LYST: variants seen among roughly 807,000 people sequenced by gnomAD.
LYST encodes the protein lysosomal-trafficking regulator.
A neutral mutation model predicts 413.6 loss-of-function variants in LYST; 192 were observed. The ratio of observed to expected loss-of-function variants is 0.46; its 90% confidence interval spans 0.41 to 0.52. The LOEUF (loss-of-function observed/expected upper bound fraction) is 0.52, where lower values mean the gene tolerates loss of function less well. Ranked by LOEUF, LYST falls within the 20% of genes least tolerant of loss-of-function variation. The probability of loss-of-function intolerance (pLI) is 0.00; values close to 1 mark genes in which losing one functional copy is unlikely to be tolerated. For synonymous variants in LYST, 1,525 were observed against 1,567.3 expected (o/e 0.97, Z 0.64); for missense variants, 3,815 against 4,499.9 (o/e 0.85, Z 4.35).
chr1:235,831,421 C>T (rs1675967178), intron 2 of LYST, among the ~76,000 whole-genome samples: 1 of 152,134 alleles, frequency 6.6e-6, no homozygotes, highest in African/African-American at 2.4e-5. Flanking sequence ...GGAATTTAAA[C>T]TAAAGGGATA....
chr1:235,701,972 A>G (rs1661587475), intron 45 of LYST, among the ~76,000 whole-genome samples: 1 of 152,168 alleles, frequency 6.6e-6, no homozygotes, highest in Non-Finnish European at 1.5e-5. Flanking sequence ...TAGGTGTGTA[A>G]AAACCTTTTC....
At chr1:235,694,135 C>A (rs894772721) in intron 46 of LYST, among the ~76,000 whole-genome samples, 4 of 151,834 alleles carry the variant, frequency 2.6e-5, no homozygotes, top group African/African-American at 9.7e-5. Flanking sequence ...TCAGCCTCCC[C>A]AGCAGCTGGG....
upstream of LYST, among the ~76,000 whole-genome samples, chr1:235,869,740 C>T (rs753439294): frequency 1.6e-4 from 24 of 152,138 alleles, no homozygotes; most frequent in Non-Finnish European, 3.4e-4. Flanking sequence ...TCTGCATTGG[C>T]TCTCCGCTTC....
chr1:235,809,120 C>T lies in LYST; in HGVS notation c.1698G>A (p.Leu566=). 6.2e-7 allele frequency: 1 copy of T among 1,614,068 alleles called. No individual in the cohort carries two copies. The highest frequency in any genetic ancestry group is 8.5e-7 in the Non-Finnish European group (1 of 1,179,966). The change falls in exon 5 of 53, where the codon TTG becomes TTA. Residue 566 remains leucine, a synonymous_variant. Transcript: ENST00000389793. The surrounding 1 kb of genome is among the most constrained non-coding windows in gnomAD (Gnocchi z 4.0). ...ATAGGATCTGGACACAAGTGCTGCT[C>T]AAGGAAGCCTGCTGTAGTAAGCGCA... ...QCLRLLQQAS[L]SSTCVQILSG... is the part of the protein sequence containing the mutation.
At chr1:235,793,755 T>C in intron 10 of LYST, 143 bp from the exon 11 acceptor site, 1 of 495,676 alleles carries the variant, frequency 2.0e-6, no homozygotes, top group South Asian at 3.7e-5. Flanking sequence ...CAAAATTTGC[T>C]GAAGAAATAG....
intron 48 of LYST, among the ~76,000 whole-genome samples, chr1:235,679,293 A>G (rs1659626241): frequency 1.3e-5 from 2 of 152,104 alleles, no homozygotes; most frequent in Admixed American, 1.3e-4. Context: ...AGCCACTGGG[A>G]TATACCCATA....
chr1:235,747,574 A>G (rs759155601), intron 28 of LYST, among the ~76,000 whole-genome samples: 1 of 152,146 alleles, frequency 6.6e-6, no homozygotes, highest in Non-Finnish European at 1.5e-5. Flanking sequence ...TCCTGTATAT[A>G]TTCAAGAGTT....
At chr1:235,867,989 T>C (rs1411048229), upstream of LYST, among the ~76,000 whole-genome samples, 1 of 152,168 alleles carries the variant, frequency 6.6e-6, no homozygotes. Flanking sequence ...CAAACTCCCA[T>C]CTAACCCAAT....
At chr1:235,776,898 T>C (rs1360289410) in intron 17 of LYST, among the ~76,000 whole-genome samples, 165 bp downstream of exon 17, 2 of 152,288 alleles carry the variant, frequency 1.3e-5, no homozygotes, top group South Asian at 2.1e-4. Context: ...ACCTTAATCA[T>C]CTATGGCAGA....
Position 235,809,093 on chromosome 1 carries a change from C to T in LYST, c.1725G>A (p.Ser575=), listed in dbSNP as rs144919024. Residue 575 remains serine, a synonymous_variant, in exon 5 of 53, where the codon TCG becomes TCA. Coordinates refer to ENST00000389793, the MANE Select transcript of LYST (RefSeq NM_000081.4). The surrounding 1 kb of genome is among the most constrained non-coding windows in gnomAD (Gnocchi z 4.0). The part of the protein sequence containing the change: ...SLSSTCVQIL[S]GVHNIGICCC... The stretch of plus-strand genomic sequence containing the variant: ...AGCATATTCCAATGTTATGAACACC[C>T]GATAGGATCTGGACACAAGTGCTGC... 2.0e-5 allele frequency: 32 copies of T among 1,614,098 alleles called. No homozygotes were observed. Among genetic ancestry groups the T allele is most frequent in the African/African-American group, 5.3e-5 (4 of 75,034 alleles).
chr1:235,878,083 G>A (rs751192896), intron 1 of LYST, among the ~76,000 whole-genome samples: 2 of 152,180 alleles, frequency 1.3e-5, no homozygotes, highest in African/African-American at 2.4e-5. Flanking sequence ...ACATGTCTGG[G>A]CCCACTTAAT....
At chr1:235,871,907 G>A (rs931000790) in intron 1 of LYST, among the ~76,000 whole-genome samples, 1 of 152,306 alleles carries the variant, frequency 6.6e-6, no homozygotes, top group South Asian at 2.1e-4. Context: ...GGGAGGAAAT[G>A]TTTCCTCAAC....
At chr1:235,832,397 A>G (rs1320531773) in intron 2 of LYST, among the ~76,000 whole-genome samples, 1 of 152,212 alleles carries the variant, frequency 6.6e-6, no homozygotes, top group Non-Finnish European at 1.5e-5. Flanking sequence ...AGAAAATGGA[A>G]ATCAATATAA....
At chr1:235,856,564 A>G (rs915581026) in intron 1 of LYST, among the ~76,000 whole-genome samples, 3 of 152,244 alleles carry the variant, frequency 2.0e-5, no homozygotes, top group African/African-American at 7.2e-5. Context: ...AAAATTATAC[A>G]TCTTCAATGT....
At chr1:235,683,835 C>T (rs1660015416) in intron 48 of LYST, among the ~76,000 whole-genome samples, 2 of 152,146 alleles carry the variant, frequency 1.3e-5, no homozygotes, top group South Asian at 4.1e-4. Context: ...GGGTCAGAAC[C>T]ACAACCTTAG....
At chr1:235,754,375 T>C (rs1211449673) in intron 25 of LYST, among the ~76,000 whole-genome samples, 2 of 151,394 alleles carry the variant, frequency 1.3e-5, no homozygotes, top group Non-Finnish European at 2.9e-5. Context: ...TGGGATTACA[T>C]GAATGTGCCA....
At chr1:235,687,778 T>C (rs1660332169) in intron 47 of LYST, among the ~76,000 whole-genome samples, 1 of 152,054 alleles carries the variant, frequency 6.6e-6, no homozygotes, top group Non-Finnish European at 1.5e-5. Flanking sequence ...CTTCCTCTCC[T>C]CTCCTCTGCA....
At chr1:235,729,934 A>G (rs1572089463) in intron 36 of LYST, among the ~76,000 whole-genome samples, 1 of 152,112 alleles carries the variant, frequency 6.6e-6, no homozygotes. Context: ...TCAATATTTT[A>G]TATTTTCTAA....
At chr1:235,857,648 A>C (rs1679334776) in intron 1 of LYST, among the ~76,000 whole-genome samples, 1 of 151,562 alleles carries the variant, frequency 6.6e-6, no homozygotes, top group South Asian at 2.1e-4. Flanking sequence ...AAAACCAAAA[A>C]AGAGGGGGGT....
Sources: gnomAD v4.1 joint callset for allele counts (sites outside exome capture counted in the v4.1 genomes callset) on GRCh38, gnomAD v4.1.1 for gene constraint, Gnocchi (gnomAD v3.1) non-coding constraint, MANE v1.5 for transcripts, NCBI Gene and HGNC (gene_info 2026-07-23, HGNC 2026-07-21) for gene names.